ERICH1: variants seen among roughly 807,000 people sequenced by gnomAD.
ERICH1 encodes glutamate-rich protein 1.
A neutral mutation model predicts 39.6 loss-of-function variants in ERICH1; 56 were observed. The ratio of observed to expected loss-of-function variants is 1.41; its 90% CI spans 1.14 to 1.77. The LOEUF (loss-of-function observed/expected upper bound fraction) is 1.77, where lower values mean the gene tolerates loss of function less well. Among genes scored for constraint, ERICH1 ranks in the 40% most tolerant of loss-of-function variants. The pLI, the probability that ERICH1 is intolerant of heterozygous loss-of-function variation, is 0.00. For synonymous variants in ERICH1, 313 were observed against 223.6 expected, an observed-to-expected ratio of 1.40 and a Z score of -3.57; for missense variants, 826 against 575.4, an observed-to-expected ratio of 1.44 and a Z score of -4.45.
chr8:663,758 GT>G (rs5888809), downstream of ERICH1, among the ~76,000 whole-genome samples: 3,702 of 145,478 alleles, frequency 0.025, 125 homozygotes, highest in African/African-American at 0.079. Flanking sequence ...TTGACTGATG[GT>G]TTTTTTTTTT....
chr8:668,898 C>T (rs1013942665), intron 4 of ERICH1, 106 bp from the exon 5 acceptor site: 4 of 987,712 alleles, frequency 4.0e-6, no homozygotes, highest in Admixed American at 2.8e-5. Flanking sequence ...CGCTTCCACA[C>T]AGAATGACAT....
intron 3 of ERICH1, among the ~76,000 whole-genome samples, chr8:651,032 G>C (rs147240419): frequency 6.6e-6 from 1 of 152,218 alleles, no homozygotes; most frequent in African/African-American, 2.4e-5. Context: ...CTCTAGTCTT[G>C]CAGGGGTTCA....
At chr8:630,465 G>C (rs34242705) in intron 3 of ERICH1, among the ~76,000 whole-genome samples, 4,457 of 36,220 alleles carry the variant, frequency 0.12, 256 homozygotes, top group Middle Eastern at 0.2. Flanking sequence ...TGAGCACCCA[G>C]ACAGACAGAG....
rs557551423 is a variant in ERICH1 at position 618,835 on chromosome 8, C to T, written c.977-3551G>A. On this transcript the variant is annotated intron_variant, in intron 3 of 3. Transcript: ENST00000522706. Reference sequence around the variant, plus strand: ...GAGACAAGGTCCCCCAAACGCCTGACCGAGTTGGAGATCAGTGGTGGAAAT... The same window carrying T: ...GAGACAAGGTCCCCCAAACGCCTGATCGAGTTGGAGATCAGTGGTGGAAAT... Among the ~76,000 whole-genome samples, 70 of 152,156 alleles carry T rather than the reference C, an allele frequency of 4.6e-4. 3 individuals carry two copies. In the South Asian group the frequency reaches 0.014, roughly 31 times the overall value.
chr8:690,404 G>A (rs935702753), intron 3 of ERICH1, among the ~76,000 whole-genome samples: 4 of 152,262 alleles, frequency 2.6e-5, no homozygotes, highest in African/African-American at 9.6e-5. Flanking sequence ...GATATGGTCA[G>A]TGAGCACTAA....
intron 2 of ERICH1, among the ~76,000 whole-genome samples, chr8:698,619 TAAA>T (rs1554519071): frequency 6.6e-6 from 1 of 152,132 alleles, no homozygotes; most frequent in Non-Finnish European, 1.5e-5. Flanking sequence ...AAAACATTTT[TAAA>T]AAATTCTTTT....
downstream of ERICH1, among the ~76,000 whole-genome samples, chr8:663,103 C>G (rs1801675470): frequency 6.6e-6 from 1 of 152,224 alleles, no homozygotes; most frequent in African/African-American, 2.4e-5. Flanking sequence ...GCAAGGCCAC[C>G]AGATCCAAGG....
chr8:710,503 C>A (rs368233049), intron 2 of ERICH1, among the ~76,000 whole-genome samples: 1 of 150,820 alleles, frequency 6.6e-6, no homozygotes, highest in Non-Finnish European at 1.5e-5. Context: ...TCGTACGGGG[C>A]GGTTTCACCG....
intron 3 of ERICH1, among the ~76,000 whole-genome samples, chr8:621,224 G>A (rs185645162): frequency 6.6e-6 from 1 of 152,034 alleles, no homozygotes; most frequent in African/African-American, 2.4e-5. Flanking sequence ...TGAGAAGGAT[G>A]AAAATAAAAG....
At position 673,383 on chromosome 8, in the gene ERICH1, T is replaced by C. The variant is rs187422681; in HGVS notation, c.969A>G (p.Ala323=). Residue 323 remains alanine, a synonymous_variant, in exon 4 of 6, where the codon GCA becomes GCG. Coordinates refer to ENST00000262109, the MANE Select transcript of ERICH1 (RefSeq NM_207332.3). ...EGADSGEEDG[A]DASEEDDTIT... is the part of the protein sequence containing the mutation. ...TTGTATCATCTTCCTCGCTGGCGTC[T>C]GCACCGTCCTCCTCCCCGGAGTCTG... 1 of 1,613,448 alleles carries C rather than the reference T, an allele frequency of 6.2e-7. No homozygotes were observed. The highest frequency in any genetic ancestry group is 8.5e-7 in the Non-Finnish European group (1 of 1,179,854).
At position 643,993 on chromosome 8, in the gene ERICH1, C is replaced by T. The variant is rs115323302; in HGVS notation, c.976+24605G>A. On this transcript the variant is annotated intron_variant, in intron 3 of 3. Transcript: ENST00000522706. ...TGGGCCTGACGGGGCGGGGGCGGCT[C>T]TGCAGGAGCAGGAGTCCTGTGGGCT... 8.9e-3 allele frequency among the ~76,000 whole-genome samples: 1,355 copies of T among 152,354 alleles called. 12 individuals carry two copies. Among genetic ancestry groups the T allele is most frequent in the African/African-American group, 0.031 (1,282 of 41,588 alleles).
At chr8:650,128 G>C (rs1272953311) in intron 3 of ERICH1, among the ~76,000 whole-genome samples, 2 of 152,242 alleles carry the variant, frequency 1.3e-5, no homozygotes, top group Non-Finnish European at 2.9e-5. Flanking sequence ...TCCATGCCGG[G>C]AGCGCGCAGA....
At chr8:650,307 C>G (rs1799786073) in intron 3 of ERICH1, among the ~76,000 whole-genome samples, 1 of 152,250 alleles carries the variant, frequency 6.6e-6, no homozygotes, top group Non-Finnish European at 1.5e-5. Flanking sequence ...CTGGGTCTCC[C>G]CGTTCCAACT....
At chr8:650,657 A>G (rs942760772) in intron 3 of ERICH1, among the ~76,000 whole-genome samples, 6 of 152,120 alleles carry the variant, frequency 3.9e-5, no homozygotes, top group Admixed American at 6.5e-5. Flanking sequence ...GGCAGGAGAG[A>G]AGGAGGACAT....
chr8:635,249 G>A (rs1043985168), intron 3 of ERICH1, among the ~76,000 whole-genome samples: 1 of 152,202 alleles, frequency 6.6e-6, no homozygotes, highest in African/African-American at 2.4e-5. Context: ...CCGAGCTTAT[G>A]AGTTTCCCTT....
chr8:700,309 A>G lies in ERICH1; in HGVS notation c.170-7697T>C, dbSNP rs865882854. On this transcript the variant is annotated intron_variant, in intron 2 of 5. Coordinates refer to ENST00000262109, the MANE Select transcript of ERICH1 (RefSeq NM_207332.3). ...CGCACAGGCCCGGACACGCGCACAG[A>G]CCCGCACACGCGCACAGGCCCGCAC... is the stretch of plus-strand genomic sequence containing the variant. 9.2e-4 allele frequency among the ~76,000 whole-genome samples: 44 copies of G among 47,806 alleles called. 2 individuals are homozygous for G. The highest frequency in any genetic ancestry group is 1.3e-3 in the Admixed American group (6 of 4,484). 31.4% of individuals were successfully genotyped at this position (47,806 alleles called of 152,430 possible). A position where few individuals can be genotyped will look rare whatever the true frequency, so the allele number is the denominator to read the frequency against.
intron 2 of ERICH1, among the ~76,000 whole-genome samples, chr8:713,752 C>G (rs968400863): frequency 6.6e-6 from 1 of 152,074 alleles, no homozygotes; most frequent in African/African-American, 2.4e-5. Flanking sequence ...GTGCGCAGCT[C>G]CATTATAAGG....
Position 673,656 on chromosome 8 carries a change from T to A in ERICH1, c.696A>T (p.Glu232Asp). The change falls in exon 4 of 6, where the codon GAA (glutamate) becomes GAT (aspartate). Residue 232 changes from glutamate (E) to aspartate (D), a missense_variant. Coordinates refer to ENST00000262109, the MANE Select transcript of ERICH1 (RefSeq NM_207332.3). ...CTTCCTCGCTAGCGTCCGCACCATC[T>A]TCCTCCCTGGTATCTTTAACGTCTT... ...GEEDVKDTRE[E>D]DGADASEEDL... The A allele has an allele frequency of 6.2e-7, 1 of 1,603,980 alleles. No homozygotes were observed. Among genetic ancestry groups the A allele is most frequent in the East Asian group, 2.3e-5 (1 of 44,300 alleles).
At position 712,974 on chromosome 8, in the gene ERICH1, C is replaced by T. The variant is rs1031570157; in HGVS notation, c.169+2887G>A. 8.5e-5 allele frequency among the ~76,000 whole-genome samples: 13 copies of T among 152,328 alleles called. 1 individual carries two copies. Among genetic ancestry groups the T allele is most frequent in the Admixed American group, 2.6e-4 (4 of 15,310 alleles). On this transcript the variant is annotated intron_variant, in intron 2 of 5. Coordinates refer to ENST00000262109, the MANE Select transcript of ERICH1 (RefSeq NM_207332.3). ...CCACTACAAAGCCCCACAGACTGGG[C>T]GAAGTCAACAACAGACATTTGTTCT... is the stretch of plus-strand genomic sequence containing the variant.
Sources: allele counts gnomAD v4.1 joint callset (sites outside exome capture counted in the v4.1 genomes callset), GRCh38; gene constraint gnomAD v4.1.1; transcripts MANE v1.5; gene names NCBI Gene and HGNC (gene_info 2026-07-23, HGNC 2026-07-21).